Variants in NEK9 observed in about 807,000 individuals in gnomAD.
NEK9 encodes NIMA related kinase 9.
NEK9 carries 75 observed loss-of-function variants against 123.4 expected under a neutral mutation model. The observed-to-expected ratio is 0.61, with a 90% CI of 0.50 to 0.74. The LOEUF (loss-of-function observed/expected upper bound fraction) is 0.74, where lower values mean the gene tolerates loss of function less well. Among genes scored for constraint, NEK9 ranks in the 30% least tolerant of loss-of-function variants. The pLI, the probability that NEK9 is intolerant of heterozygous loss-of-function variation, is 0.00. For synonymous variants in NEK9, 438 were observed against 458.7 expected, an observed-to-expected ratio of 0.95 and a Z score of 0.58; for missense variants, 952 against 1,214.4, an observed-to-expected ratio of 0.78 and a Z score of 3.21.
rs1893898120 is a variant in NEK9 at position 75,082,602 on chromosome 14, C to G, written c.*1962G>C. On this transcript the variant is annotated 3_prime_UTR_variant, in exon 22 of 22. Coordinates refer to ENST00000238616, the MANE Select transcript of NEK9 (RefSeq NM_033116.6). ...TGCTAGGGAAAGGCTCCCCTATGAACAAGACCAGGGCACTCACCCACCCCC... is the reference window on the plus strand; with the variant it reads ...TGCTAGGGAAAGGCTCCCCTATGAAGAAGACCAGGGCACTCACCCACCCCC... The G allele has an allele frequency of 1.1e-5, 2 of 183,954 alleles. No individual in the cohort carries two copies. Among genetic ancestry groups the G allele is most frequent in the South Asian group, 3.9e-4 (2 of 5,102 alleles). The allele number at this position is 183,954 out of a possible 1,614,324, so 11.4% of individuals were successfully genotyped here.
At chr14:75,114,994 T>C (rs1034615965) in intron 6 of NEK9, among the ~76,000 whole-genome samples, 1 of 151,916 alleles carries the variant, frequency 6.6e-6, no homozygotes, top group Non-Finnish European at 1.5e-5. Flanking sequence ...TACACATATA[T>C]ACACACATAC....
intron 2 of NEK9, among the ~76,000 whole-genome samples, chr14:75,122,476 T>C (rs1895369601): frequency 6.6e-6 from 1 of 152,146 alleles, no homozygotes; most frequent in Admixed American, 6.5e-5. Context: ...ACTATGCATG[T>C]AATACAACAA....
chr14:75,118,606 A>C (rs759051356), intron 5 of NEK9, among the ~76,000 whole-genome samples: 1 of 152,234 alleles, frequency 6.6e-6, no homozygotes, highest in African/African-American at 2.4e-5. Context: ...CTTTTAGATA[A>C]GTCCCTAATC....
In NEK9 at chr14:75,101,638, C is replaced by T. The variant is rs774233630; in HGVS notation, c.1840+19G>A. 21 of 1,537,566 alleles carry T rather than the reference C, an allele frequency of 1.4e-5. No individual in the cohort carries two copies. Among genetic ancestry groups the T allele is most frequent in the Non-Finnish European group, 1.9e-5 (21 of 1,111,474 alleles). ...GGCTCAGCTACTAAGGCATGTGATA[C>T]AGTTGTAAATCAACTTACCATCAAT... On this transcript the variant is annotated intron_variant, in intron 15 of 21. Coordinates refer to ENST00000238616, the MANE Select transcript of NEK9 (RefSeq NM_033116.6).
chr14:75,126,784 C>G lies in NEK9; in HGVS notation c.138G>C (p.Glu46Asp). 6.5e-7 allele frequency: 1 copy of G among 1,531,588 alleles called. No homozygotes were observed. The highest frequency in any genetic ancestry group is 8.8e-7 in the Non-Finnish European group (1 of 1,140,106). The allele number at this position is 1,531,588 out of a possible 1,614,324, so 94.9% of individuals were successfully genotyped here. Reference sequence around the variant, plus strand: ...TGGGGATGTAGTGCAGTTCCTCCTGCTCCGCCGCGCCGCCGCCGGCTCGCG... The same window carrying G: ...TGGGGATGTAGTGCAGTTCCTCCTGGTCCGCCGCGCCGCCGCCGGCTCGCG... ...QGPRAGGGAA[E>D]QEELHYIPIR... is the part of the protein sequence containing the mutation. The change falls in exon 1 of 22, where the codon GAG becomes GAC. Residue 46 changes from glutamate to aspartate, a missense_variant. Glu to Asp is a conservative substitution (Grantham distance 45, BLOSUM62 2). Around this residue, in one of 4 missense-constraint regions of NEK9, gnomAD observed 120 missense variants for 97.6 expected, o/e 1.23. Transcript: ENST00000238616.
Position 75,097,122 on chromosome 14 carries a change from T to C in NEK9, c.2151A>G (p.Gly717=). The change falls in exon 17 of 22, where the codon GGA becomes GGG. Residue 717 remains glycine (G), a synonymous_variant. Coordinates refer to ENST00000238616, the MANE Select transcript of NEK9 (RefSeq NM_033116.6). The part of the protein sequence containing the change: ...LHHVPDLSCR[G]WHTILIVEKV... ...TACCAACGATGAGAATGGTATGCCA[T>C]CCACGGCAAGACAGGTCCGGGACAT... The C allele has an allele frequency of 6.2e-7, 1 of 1,610,216 alleles. No individual in the cohort carries two copies. The highest frequency in any genetic ancestry group is 8.5e-7 in the Non-Finnish European group (1 of 1,178,252).
At chr14:75,097,365 T>C in intron 16 of NEK9, 95 bp from the exon 17 acceptor site, 1 of 1,033,836 alleles carries the variant, frequency 9.7e-7, no homozygotes, top group Non-Finnish European at 1.4e-6. Flanking sequence ...TAGAAAGACT[T>C]CCCACTATGT....
rs900191358 is a variant in NEK9 at position 75,080,752 on chromosome 14, T to C, written c.*3812A>G. 2.6e-5 allele frequency: 4 copies of C among 151,926 alleles called. No homozygotes were observed. Among genetic ancestry groups the C allele is most frequent in the African/African-American group, 9.7e-5 (4 of 41,314 alleles). The allele number at this position is 151,926 out of a possible 1,614,324, so 9.4% of individuals were successfully genotyped here. A position where few individuals can be genotyped will look rare whatever the true frequency, so the allele number is the denominator to read the frequency against. ...GCCTCCCGGGTTCACGCCATTCTTCTGCCCCAGCCTCCCGAGTAGCTGGGA... is the reference window on the plus strand; with the variant it reads ...GCCTCCCGGGTTCACGCCATTCTTCCGCCCCAGCCTCCCGAGTAGCTGGGA... On this transcript the variant is annotated 3_prime_UTR_variant, in exon 22 of 22. Coordinates refer to ENST00000238616, the MANE Select transcript of NEK9 (RefSeq NM_033116.6).
At chr14:75,127,186 G>A, upstream of NEK9, 2 of 426,256 alleles carry the variant, frequency 4.7e-6, no homozygotes, top group Non-Finnish European at 8.4e-6. Flanking sequence ...GTGAGGCCTC[G>A]GGCTAGGGTT....
In NEK9 at chr14:75,084,426, G is replaced by C. The variant is rs1893954510; in HGVS notation, c.*138C>G. 2 of 964,556 alleles carry C rather than the reference G, an allele frequency of 2.1e-6. No homozygotes were observed. The highest frequency in any genetic ancestry group is 1.6e-5 in the African/African-American group (1 of 61,208). The allele number at this position is 964,556 out of a possible 1,614,324, so 59.7% of individuals were successfully genotyped here. Reference sequence around the variant, plus strand: ...CAATGCCACTCTCCAAATGTACAAGGAAAGTGCTTCAGAGCCTCTGCCTTG... The same window carrying C: ...CAATGCCACTCTCCAAATGTACAAGCAAAGTGCTTCAGAGCCTCTGCCTTG... On this transcript the variant is annotated 3_prime_UTR_variant, in exon 22 of 22. Coordinates refer to ENST00000238616, the MANE Select transcript of NEK9 (RefSeq NM_033116.6).
intron 8 of NEK9, 57 bp downstream of exon 8, chr14:75,113,282 G>A: frequency 7.6e-7 from 1 of 1,309,624 alleles, no homozygotes; most frequent in Non-Finnish European, 1.1e-6. Context: ...CTCTGATCAA[G>A]CCTCTAAAAG....
chr14:75,125,862 C>T (rs1397843826), intron 1 of NEK9, among the ~76,000 whole-genome samples: 1 of 151,968 alleles, frequency 6.6e-6, no homozygotes, highest in Non-Finnish European at 1.5e-5. Flanking sequence ...AAATGTTTAC[C>T]CTAAAGTAAG....
At chr14:75,095,669 A>G (rs1171359860) in intron 17 of NEK9, among the ~76,000 whole-genome samples, 1 of 152,220 alleles carries the variant, frequency 6.6e-6, no homozygotes, top group Non-Finnish European at 1.5e-5. Flanking sequence ...GGGAAGTTTT[A>G]AAAAGTAACC....
In NEK9 at chr14:75,085,782, T is replaced by C. The variant is rs1594819122; in HGVS notation, c.2818-1096A>G. ...GAACATGCCTGTAGTTCCAGCTACT[T>C]GGGGGGCTGAGGTCAGAGAATCACT... On this transcript the variant is annotated intron_variant, in intron 21 of 21. Coordinates refer to ENST00000238616, the MANE Select transcript of NEK9 (RefSeq NM_033116.6). Among the ~76,000 whole-genome samples, 3 of 152,174 alleles carry C rather than the reference T, an allele frequency of 2.0e-5. No individual in the cohort carries two copies. The East Asian group carries it at 5.8e-4, about 29-fold the overall frequency.
chr14:75,121,287 T>G (rs1477295385), intron 2 of NEK9, 113 bp from the exon 3 acceptor site: 7 of 705,328 alleles, frequency 9.9e-6, no homozygotes, highest in Non-Finnish European at 1.7e-5. Context: ...TTTCTCTCCA[T>G]AGGCAACTAC....
intron 2 of NEK9, among the ~76,000 whole-genome samples, chr14:75,122,789 C>CTTT (rs35799337): frequency 0.012 from 966 of 80,058 alleles, 26 homozygotes; most frequent in African/African-American, 0.018. Flanking sequence ...CCACGCCCAG[C>CTTT]TTTTTTTTTT....
intron 8 of NEK9, among the ~76,000 whole-genome samples, chr14:75,110,591 C>T (rs527657380): frequency 8.5e-5 from 13 of 152,080 alleles, no homozygotes; most frequent in African/African-American, 2.9e-4. Context: ...AGTTTGGGGC[C>T]ATTTGCTTTC....
At chr14:75,101,789 C>A in intron 14 of NEK9, 24 bp from the exon 15 acceptor site, 1 of 1,525,148 alleles carries the variant, frequency 6.6e-7, no homozygotes, top group African/African-American at 1.4e-5. Context: ...AAACACAAAG[C>A]AGATGCATGA....
chr14:75,086,785 A>T (rs906628230), intron 21 of NEK9: 5 of 451,628 alleles, frequency 1.1e-5, no homozygotes, highest in Non-Finnish European at 1.6e-5. Flanking sequence ...GCACACCTGT[A>T]GTCCCAGCTA....
Sources: allele counts gnomAD v4.1 joint callset (sites outside exome capture counted in the v4.1 genomes callset), GRCh38; gene constraint gnomAD v4.1.1; regional missense constraint gnomAD v4.1.1; transcripts MANE v1.5; gene names NCBI Gene and HGNC (gene_info 2026-07-23, HGNC 2026-07-21).